TGFB1: variants seen among roughly 807,000 people sequenced by gnomAD.
The protein encoded by TGFB1 is transforming growth factor beta-1 proprotein.
In TGFB1, 19 loss-of-function variants were observed where a neutral mutation model predicts 43.8. The ratio of observed to expected loss-of-function variants is 0.43; its 90% confidence interval spans 0.30 to 0.64. The LOEUF is 0.64. Ranked by LOEUF, TGFB1 falls within the 30% of genes least tolerant of loss-of-function variation. The pLI is 0.11. For missense variants in TGFB1, 445 were observed against 529.8 expected (o/e 0.84, Z 1.57); for synonymous variants, 221 against 236.3 (o/e 0.94, Z 0.60).
chr19:41,339,649 C>A (rs2038030393), intron 5 of TGFB1, among the ~76,000 whole-genome samples: 1 of 151,344 alleles, frequency 6.6e-6, no homozygotes, highest in African/African-American at 2.4e-5. Flanking sequence ...ATGGTGAAAC[C>A]CAGTGTCTAC....
intron 5 of TGFB1, among the ~76,000 whole-genome samples, chr19:41,338,020 C>T (rs995156059): frequency 5.3e-5 from 8 of 151,670 alleles, no homozygotes; most frequent in South Asian, 4.2e-4. Flanking sequence ...GGTGAAACCC[C>T]GTCTCTACTA....
intron 6 of TGFB1, 92 bp from the exon 7 acceptor site, chr19:41,331,302 CCT>C (rs2037928008): frequency 4.3e-6 from 6 of 1,396,754 alleles, no homozygotes; most frequent in East Asian, 2.7e-5. Context: ...ACCGCGCCAG[CCT>C]CTCTCACTTC....
chr19:41,337,150 A>T (rs1461231004), intron 5 of TGFB1, among the ~76,000 whole-genome samples: 1 of 150,898 alleles, frequency 6.6e-6, no homozygotes, highest in Non-Finnish European at 1.5e-5. Flanking sequence ...TTATTTATTT[A>T]TTTTTTTGAG....
chr19:41,341,910 C>T lies in TGFB1; in HGVS notation c.833G>A (p.Arg278Gln). Residue 278 changes from arginine (R) to glutamine (Q), a missense_variant, in exon 5 of 7, where the codon CGA becomes CAA. Arg to Gln is a conservative substitution (Grantham distance 43). This residue lies in a region of TGFB1 where 366 missense variants were observed against 428.8 expected (regional missense o/e 0.85). Transcript: ENST00000221930. ...AQHLQSSRHR[R>Q]ALDTNYCFSS... ...GAAGCAATAGTTGGTGTCCAGGGCT[C>T]GGCGGTGCCGGGAGCTTTGCAGATG... 2 of 1,613,852 alleles carry T rather than the reference C, an allele frequency of 1.2e-6. No individual in the cohort carries two copies.
chr19:41,344,660 G>C, intron 3 of TGFB1, 87 bp downstream of exon 3: 1 of 1,226,998 alleles, frequency 8.1e-7, no homozygotes, highest in East Asian at 2.3e-5. Flanking sequence ...ATGGGGCGGA[G>C]AGGGGTCCTA....
At position 41,352,816 on chromosome 19, in the gene TGFB1, C is replaced by T. The variant is rs1440180156; in HGVS notation, c.229G>A (p.Val77Met). ...EVPPGPLPEA[V>M]LALYNSTRDR... The stretch of plus-strand genomic sequence containing the variant: ...CGGGTGCTGTTGTACAGGGCGAGCA[C>T]GGCCTCGGGCAGCGGGCCGGGCGGC... Residue 77 changes from valine (V) to methionine (M), a missense_variant, in exon 1 of 7, where the codon GTG becomes ATG. This residue lies in a region of TGFB1 where 366 missense variants were observed against 428.8 expected (regional missense o/e 0.85). Coordinates refer to ENST00000221930, the MANE Select transcript of TGFB1 (RefSeq NM_000660.7). The T allele has an allele frequency of 6.3e-7, 1 of 1,598,374 alleles. No homozygotes were observed.
At chr19:41,340,638 T>C (rs571489137) in intron 5 of TGFB1, among the ~76,000 whole-genome samples, 26 of 152,294 alleles carry the variant, frequency 1.7e-4, no homozygotes, top group African/African-American at 6.3e-4. Flanking sequence ...ATTCCAACAC[T>C]GAGTTCCAAC....
chr19:41,352,715 G>A lies in TGFB1; in HGVS notation c.330C>T (p.Arg110=). 1.9e-6 allele frequency: 3 copies of A among 1,613,600 alleles called. No homozygotes were observed. The highest frequency in any genetic ancestry group is 1.7e-4 in the Middle Eastern group (1 of 6,060). ...EADYYAKEVT[R]VLMVETHNEI... ...CGTTGTGGGTTTCCACCATTAGCACGCGGGTGACCTCCTTGGCGTAGTAGT... is the reference window on the plus strand; with the variant it reads ...CGTTGTGGGTTTCCACCATTAGCACACGGGTGACCTCCTTGGCGTAGTAGT... Residue 110 remains arginine, a synonymous_variant, in exon 1 of 7, where the codon CGC becomes CGT. Coordinates refer to ENST00000221930, the MANE Select transcript of TGFB1 (RefSeq NM_000660.7).
Position 41,353,098 on chromosome 19 carries a change from TG to T in TGFB1, c.-55del, listed in dbSNP as rs1452863140. 3 of 1,450,972 alleles carry T rather than the reference TG, an allele frequency of 2.1e-6. No individual in the cohort carries two copies. Among genetic ancestry groups the T allele is most frequent in the African/African-American group, 1.4e-5 (1 of 69,108 alleles). The allele number at this position is 1,450,972 out of a possible 1,614,324, so 89.9% of individuals were successfully genotyped here. ...GAGAGCGCGAACAGGGCTGGTGTGG[TG>T]GGGAGGCCCCGCCCCTGCAGGGGCT... On this transcript the variant is annotated 5_prime_UTR_variant, in exon 1 of 7. Transcript: ENST00000221930. This position sits in a 1 kb window ranked among gnomAD's most constrained non-coding sequence, Gnocchi z 5.9.
At chr19:41,342,279 A>C in intron 3 of TGFB1, 32 bp from the exon 4 acceptor site, 1 of 1,563,596 alleles carries the variant, frequency 6.4e-7, no homozygotes, top group South Asian at 1.2e-5. Context: ...AGCCAGTCTG[A>C]GAGTGCAGCT....
intron 2 of TGFB1, among the ~76,000 whole-genome samples, chr19:41,346,991 G>A (rs2038123303): frequency 6.6e-6 from 1 of 151,850 alleles, no homozygotes; most frequent in Non-Finnish European, 1.5e-5. Flanking sequence ...CTCCCAAAGT[G>A]CTGGGATTGC....
intron 5 of TGFB1, among the ~76,000 whole-genome samples, chr19:41,340,482 A>C (rs2038043284): frequency 6.6e-6 from 1 of 151,982 alleles, no homozygotes; most frequent in African/African-American, 2.4e-5. Flanking sequence ...GGGTTTCACC[A>C]TGTTGGCCAG....
At chr19:41,339,725 G>T (rs940674140) in intron 5 of TGFB1, among the ~76,000 whole-genome samples, 6 of 152,110 alleles carry the variant, frequency 3.9e-5, no homozygotes, top group Non-Finnish European at 7.4e-5. Context: ...TCAGGAGGCT[G>T]AGGCAGGAGA....
At chr19:41,335,531 T>C (rs1369024601) in intron 5 of TGFB1, among the ~76,000 whole-genome samples, 2 of 152,202 alleles carry the variant, frequency 1.3e-5, no homozygotes, top group Non-Finnish European at 2.9e-5. Flanking sequence ...CCCAGGCCAC[T>C]GAAATCAGAA....
intron 5 of TGFB1, among the ~76,000 whole-genome samples, chr19:41,333,207 C>CTT (rs1568474595): frequency 8.3e-6 from 1 of 120,726 alleles, no homozygotes; most frequent in African/African-American, 3.3e-5. Context: ...CTTTTTTTTT[C>CTT]TATTTTTTTT....
In TGFB1 at chr19:41,352,965, G is replaced by A. The variant is rs1478521533; in HGVS notation, c.80C>T (p.Ala27Val). The A allele has an allele frequency of 6.5e-7, 1 of 1,545,922 alleles. No homozygotes were observed. The highest frequency in any genetic ancestry group is 8.7e-7 in the Non-Finnish European group (1 of 1,149,108). ...AGTCTTGCAGGTGGATAGTCCCGCGGCCGGCCGGCCAGGCGTCAGCACCAG... is the reference window on the plus strand; with the variant it reads ...AGTCTTGCAGGTGGATAGTCCCGCGACCGGCCGGCCAGGCGTCAGCACCAG... ...WLLVLTPGRP[A>V]AGLSTCKTID... is the part of the protein sequence containing the mutation. Residue 27 changes from alanine to valine, a missense_variant, in exon 1 of 7, where the codon GCC (alanine) becomes GTC (valine). This residue lies in a region of TGFB1 where 366 missense variants were observed against 428.8 expected (regional missense o/e 0.85). Transcript: ENST00000221930.
chr19:41,333,757 G>GT (rs2037960522), intron 5 of TGFB1, among the ~76,000 whole-genome samples: 1 of 152,202 alleles, frequency 6.6e-6, no homozygotes, highest in Non-Finnish European at 1.5e-5. Context: ...GTAAATATCA[G>GT]TTACATGACT....
intron 2 of TGFB1, among the ~76,000 whole-genome samples, chr19:41,346,115 C>T (rs2038113667): frequency 6.6e-6 from 1 of 152,062 alleles, no homozygotes; most frequent in South Asian, 2.1e-4. Context: ...CTTTGGGAGG[C>T]CGAGGAGGGT....
chr19:41,335,994 GTTTT>G (rs373830946), intron 5 of TGFB1, among the ~76,000 whole-genome samples: 30 of 134,928 alleles, frequency 2.2e-4, no homozygotes, highest in African/African-American at 6.9e-4. Flanking sequence ...TCCTATGAAA[GTTTT>G]TTTTTTTTTT....
Sources: gnomAD v4.1 joint callset for allele counts (sites outside exome capture counted in the v4.1 genomes callset) on GRCh38, gnomAD v4.1.1 for gene constraint, gnomAD v4.1.1 regional missense constraint, Gnocchi (gnomAD v3.1) non-coding constraint, MANE v1.5 for transcripts, NCBI Gene and HGNC (gene_info 2026-07-23, HGNC 2026-07-21) for gene names.